The following MAPK11 variants were observed in gnomAD, a reference collection of about 807,000 sequenced individuals.
MAPK11 encodes mitogen-activated protein kinase 11.
A neutral mutation model predicts 52.2 loss-of-function variants in MAPK11; 44 were observed. The ratio of observed to expected loss-of-function variants is 0.84; its 90% CI spans 0.66 to 1.08. The LOEUF (loss-of-function observed/expected upper bound fraction) is 1.08, where lower values mean the gene tolerates loss of function less well. Ranked by LOEUF, MAPK11 falls within the 50% of genes least tolerant of loss-of-function variation. The probability of loss-of-function intolerance (pLI) is 0.00; values close to 1 mark genes in which losing one functional copy is unlikely to be tolerated. For missense variants in MAPK11, 436 were observed against 494.7 expected (o/e 0.88, Z 1.13); for synonymous variants, 233 against 206.3 (o/e 1.13, Z -1.11).
chr22:50,266,502 C>T, intron 8 of MAPK11, 38 bp downstream of exon 8: 1 of 1,505,864 alleles, frequency 6.6e-7, no homozygotes, highest in East Asian at 2.3e-5. Flanking sequence ...CAGGAGGGGC[C>T]CTGTTTGACC....
In MAPK11 at chr22:50,270,169, G is replaced by A; in HGVS notation, c.116+8C>T. 3 of 1,174,922 alleles carry A rather than the reference G, an allele frequency of 2.6e-6. No individual in the cohort carries two copies. Among genetic ancestry groups the A allele is most frequent in the Non-Finnish European group, 2.3e-6 (2 of 876,268 alleles). The allele number at this position is 1,174,922 out of a possible 1,614,324, so 72.8% of individuals were successfully genotyped here. ...CCCCACCCAGCACCCCTTCTGCCCC[G>A]CCCCTACCAGACGGAGCCGTAGGCG... On this transcript the variant is annotated splice_region_variant and intron_variant, in intron 1 of 11. Coordinates refer to ENST00000330651, the MANE Select transcript of MAPK11 (RefSeq NM_002751.7). The surrounding 1 kb of genome is among the most constrained non-coding windows in gnomAD (Gnocchi z 6.3).
At chr22:50,265,799 C>G in intron 9 of MAPK11, 139 bp from the exon 10 acceptor site, 1 of 624,000 alleles carries the variant, frequency 1.6e-6, no homozygotes, top group Non-Finnish European at 2.9e-6. Context: ...CAGTGACCCC[C>G]TCCATATAGG....
At chr22:50,267,796 C>G (rs2065277774) in intron 2 of MAPK11, 24 bp downstream of exon 2, 3 of 1,519,870 alleles carry the variant, frequency 2.0e-6, no homozygotes, top group African/African-American at 1.4e-5. Context: ...CGCGCCCTCC[C>G]CCCACGGCCC....
rs952441643 is a variant in MAPK11, at chr22:50,270,106, C to T, written c.116+71G>A. ...CCCTCCCCACGCCGAGAACCTCGCGCGGGCGAGGAGGGGACGCGCTCTCCG... is the reference window on the plus strand; with the variant it reads ...CCCTCCCCACGCCGAGAACCTCGCGTGGGCGAGGAGGGGACGCGCTCTCCG... On this transcript the variant is annotated intron_variant, in intron 1 of 11. Transcript: ENST00000330651. This position sits in a 1 kb window ranked among gnomAD's most constrained non-coding sequence, Gnocchi z 6.3. 5 of 763,688 alleles carry T rather than the reference C, an allele frequency of 6.5e-6. No individual in the cohort carries two copies. Among genetic ancestry groups the T allele is most frequent in the South Asian group, 3.2e-5 (1 of 31,688 alleles). The allele number at this position is 763,688 out of a possible 1,614,324, so 47.3% of individuals were successfully genotyped here. A position where few individuals can be genotyped will look rare whatever the true frequency, so the allele number is the denominator to read the frequency against.
intron 4 of MAPK11, 27 bp downstream of exon 4, chr22:50,267,344 G>A (rs770464160): frequency 6.3e-7 from 1 of 1,588,640 alleles, no homozygotes; most frequent in African/African-American, 1.3e-5. Context: ...CCCTGCGAGA[G>A]GACCCGCGAA....
At chr22:50,267,080 G>A (rs199568812) in intron 6 of MAPK11, 32 bp from the exon 7 acceptor site, 1 of 1,611,248 alleles carries the variant, frequency 6.2e-7, no homozygotes, top group Non-Finnish European at 8.5e-7. Flanking sequence ...CTCAAGCTCC[G>A]CACGGGCTCC....
intron 10 of MAPK11, 22 bp from the exon 11 acceptor site, chr22:50,265,516 G>A (rs2065255321): frequency 6.2e-7 from 1 of 1,612,896 alleles, no homozygotes; most frequent in African/African-American, 1.3e-5. Context: ...CCAGTGGTGG[G>A]GAGGGGGGTC....
At position 50,268,077 on chromosome 22, in the gene MAPK11, C is replaced by T. The variant is rs1350195581; in HGVS notation, c.117-128G>A. ...GGCCGTGGGGCTTTTCTGCCCCGGC[C>T]CCGCCGCCCCAGCTCGGCCTCCCAC... On this transcript the variant is annotated intron_variant, in intron 1 of 11. Coordinates refer to ENST00000330651, the MANE Select transcript of MAPK11 (RefSeq NM_002751.7). 3 of 1,109,686 alleles carry T rather than the reference C, an allele frequency of 2.7e-6. No homozygotes were observed. In the East Asian group the frequency reaches 9.4e-5, roughly 35 times the overall value. The allele number at this position is 1,109,686 out of a possible 1,614,324, so 68.7% of individuals were successfully genotyped here.
Position 50,267,846 on chromosome 22 carries a change from G to T in MAPK11, c.220C>A (p.Leu74Met), listed in dbSNP as rs747866967. ...TTCTCGTGCTTCAGGTGCTTGAGCA[G>T]CCGCAGCTCCCGGTACGTTCTGCGC... Reference protein sequence around the residue: ...HARRTYRELRLLKHLKHENVI... With the variant: ...HARRTYRELRMLKHLKHENVI... Residue 74 changes from leucine (L) to methionine (M), a missense_variant, in exon 2 of 12, where the codon CTG (leucine) becomes ATG (methionine). Leu to Met is a conservative substitution (Grantham distance 15). Coordinates refer to ENST00000330651, the MANE Select transcript of MAPK11 (RefSeq NM_002751.7). 42 of 1,578,038 alleles carry T rather than the reference G, an allele frequency of 2.7e-5. No individual in the cohort carries two copies. The highest frequency in any genetic ancestry group is 3.5e-5 in the Non-Finnish European group (41 of 1,165,356).
At position 50,266,551 on chromosome 22, in the gene MAPK11, G is replaced by A. The variant is rs201406886; in HGVS notation, c.671C>T (p.Pro224Leu). ...AELLQGKALF[P>L]GSDYIDQLKR... ...TGGGCCAAGGATACAGTCGCTTCCC[G>A]GGAAGAGGGCCTTGCCCTGGAGCAG... is the stretch of plus-strand genomic sequence containing the variant. Residue 224 changes from proline (P) to leucine (L), a missense_variant, in exon 8 of 12, where the codon CCG (proline) becomes CTG (leucine). By Grantham distance (98) the Pro-to-Leu change is moderately conservative (BLOSUM62 -3). Coordinates refer to ENST00000330651, the MANE Select transcript of MAPK11 (RefSeq NM_002751.7). 4 of 1,517,732 alleles carry A rather than the reference G, an allele frequency of 2.6e-6. No homozygotes were observed. Among genetic ancestry groups the A allele is most frequent in the African/African-American group, 1.4e-5 (1 of 71,680 alleles). The allele number at this position is 1,517,732 out of a possible 1,614,324, so 94.0% of individuals were successfully genotyped here.
intron 1 of MAPK11, among the ~76,000 whole-genome samples, chr22:50,268,934 A>G (rs188308040): frequency 1.3e-5 from 2 of 152,214 alleles, no homozygotes; most frequent in Admixed American, 1.3e-4. Flanking sequence ...CACGTGGGGC[A>G]GCAAGTTCTT....
Position 50,267,815 on chromosome 22 carries a change from C to T in MAPK11, c.246+5G>A. 2 of 1,538,574 alleles carry T rather than the reference C, an allele frequency of 1.3e-6. No homozygotes were observed. Among genetic ancestry groups the T allele is most frequent in the Non-Finnish European group, 1.7e-6 (2 of 1,144,582 alleles). On this transcript the variant is annotated splice_donor_5th_base_variant and intron_variant, in intron 2 of 11. Coordinates refer to ENST00000330651, the MANE Select transcript of MAPK11 (RefSeq NM_002751.7). Reference sequence around the variant, plus strand: ...CCCTCCCCCCACGGCCCTCCCCCGGCTCACGTTCTCGTGCTTCAGGTGCTT... The same window carrying T: ...CCCTCCCCCCACGGCCCTCCCCCGGTTCACGTTCTCGTGCTTCAGGTGCTT...
chr22:50,265,727 T>G, intron 9 of MAPK11, 67 bp from the exon 10 acceptor site: 2 of 1,033,256 alleles, frequency 1.9e-6, no homozygotes, highest in Non-Finnish European at 1.4e-6. Flanking sequence ...AAACTGGGGC[T>G]TCTCTTGGCA....
Position 50,267,351 on chromosome 22 carries a change from C to T in MAPK11, c.417+20G>A, listed in dbSNP as rs1473093707. On this transcript the variant is annotated intron_variant, in intron 4 of 11. Transcript: ENST00000330651. Reference sequence around the variant, plus strand: ...GCCCGCCCCCCTGCGAGAGGACCCGCGAAGCCCAGGGCGCCCCACCTTCAG... The same window carrying T: ...GCCCGCCCCCCTGCGAGAGGACCCGTGAAGCCCAGGGCGCCCCACCTTCAG... 3 of 1,599,536 alleles carry T rather than the reference C, an allele frequency of 1.9e-6. No individual in the cohort carries two copies. The Admixed American group carries it at 5.1e-5, about 27-fold the overall frequency.
In MAPK11 at chr22:50,270,165, C is replaced by T. The variant is rs34355047; in HGVS notation, c.116+12G>A. The T allele has an allele frequency of 0.2, 272,917 of 1,366,850 alleles. 30,336 individuals carry two copies. The highest frequency in any genetic ancestry group is 0.22 in the Non-Finnish European group (227,468 of 1,042,812). 84.7% of individuals were successfully genotyped at this position (1,366,850 alleles called of 1,614,324 possible). Reference sequence around the variant, plus strand: ...CGGCCCCCACCCAGCACCCCTTCTGCCCCGCCCCTACCAGACGGAGCCGTA... The same window carrying T: ...CGGCCCCCACCCAGCACCCCTTCTGTCCCGCCCCTACCAGACGGAGCCGTA... On this transcript the variant is annotated intron_variant, in intron 1 of 11. Coordinates refer to ENST00000330651, the MANE Select transcript of MAPK11 (RefSeq NM_002751.7). This position sits in a 1 kb window ranked among gnomAD's most constrained non-coding sequence, Gnocchi z 6.3.
Position 50,266,614 on chromosome 22 carries a change from G to A in MAPK11, c.611-3C>T. ...GCAGCCCACGGACCAGATATCCACT[G>A]TGCGAGGGCGAGGGGACCTCCATCA... On this transcript the variant is annotated splice_polypyrimidine_tract_variant and splice_region_variant and intron_variant, in intron 7 of 11. Transcript: ENST00000330651. The A allele has an allele frequency of 6.4e-7, 1 of 1,555,710 alleles. No individual in the cohort carries two copies. Among genetic ancestry groups the A allele is most frequent in the Non-Finnish European group, 8.7e-7 (1 of 1,151,652 alleles).
chr22:50,267,099 C>T lies in MAPK11; in HGVS notation c.495+28G>A, dbSNP rs145478446. ...AGCTCCGCACGGGCTCCGCCGCCGC[C>T]CTGCCCACCCCTGCCCACGGGCCTC... is the stretch of plus-strand genomic sequence containing the variant. On this transcript the variant is annotated intron_variant, in intron 6 of 11. Transcript: ENST00000330651. 1.9e-4 allele frequency: 301 copies of T among 1,611,122 alleles called. No individual in the cohort carries two copies. In the African/African-American group the frequency reaches 3.8e-3, roughly 20 times the overall value.
At chr22:50,266,801 T>C in intron 7 of MAPK11, 133 bp downstream of exon 7, 2 of 1,023,716 alleles carry the variant, frequency 2.0e-6, no homozygotes, top group Non-Finnish European at 3.0e-6. Context: ...TAGCGGCCTC[T>C]GAAGGGCTAC....
chr22:50,265,773 A>G, intron 9 of MAPK11, 113 bp from the exon 10 acceptor site: 1 of 678,704 alleles, frequency 1.5e-6, no homozygotes, highest in Non-Finnish European at 2.6e-6. Flanking sequence ...AGGCCAGGAC[A>G]AGGGCACAGG....
Sources: gnomAD v4.1 joint callset for allele counts (sites outside exome capture counted in the v4.1 genomes callset) on GRCh38, gnomAD v4.1.1 for gene constraint, Gnocchi (gnomAD v3.1) non-coding constraint, MANE v1.5 for transcripts, NCBI Gene and HGNC (gene_info 2026-07-23, HGNC 2026-07-21) for gene names.